The following CEP131 variants were observed in gnomAD, a reference collection of about 807,000 sequenced individuals.
CEP131 encodes centrosomal protein of 131 kDa.
CEP131 carries 99 observed loss-of-function variants against 136.8 expected under a neutral mutation model. The observed-to-expected ratio is 0.72, with a 90% confidence interval of 0.62 to 0.86. The LOEUF (loss-of-function observed/expected upper bound fraction) is 0.86. CEP131 is among the 40% of genes least tolerant of loss of function. The pLI, the probability that CEP131 is intolerant of heterozygous loss-of-function variation, is 0.00. For missense variants in CEP131, 1,459 were observed against 1,463.0 expected, an observed-to-expected ratio of 1.00 and a Z score of 0.04; for synonymous variants, 646 against 612.7, an observed-to-expected ratio of 1.05 and a Z score of -0.80.
chr17:81,206,649 C>G, intron 5 of CEP131, 95 bp downstream of exon 5: 1 of 1,470,904 alleles, frequency 6.8e-7, no homozygotes, highest in South Asian at 1.4e-5. Flanking sequence ...TTCCAAAGCA[C>G]CCTGAACGAG....
chr17:81,198,219 GCCCCCT>G lies in CEP131; in HGVS notation c.1360_1365del (p.Arg454_Gly455del). ...AGTGTGTGCAGCAGCTCCTCCAGTG[GCCCCCT>G]GGACTTGGCGCTCCCCCTGCTCGGG... On this transcript the variant is annotated inframe_deletion, in exon 12 of 26. Transcript: ENST00000450824. 1 of 1,598,828 alleles carries G rather than the reference GCCCCCT, an allele frequency of 6.3e-7. No homozygotes were observed. The highest frequency in any genetic ancestry group is 8.5e-7 in the Non-Finnish European group (1 of 1,172,888).
chr17:81,199,522 C>T lies in CEP131; in HGVS notation c.1051G>A (p.Ala351Thr). The T allele has an allele frequency of 6.2e-7, 1 of 1,607,736 alleles. No individual in the cohort carries two copies. The highest frequency in any genetic ancestry group is 8.5e-7 in the Non-Finnish European group (1 of 1,177,562). ...CGCTCGGCAGTGCTCGCCTTCTGGG[C>T]TCTCAGGGCTCGTTTCTGTTGCAGC... is the stretch of plus-strand genomic sequence containing the variant. ...QELQQKRALR[A>T]QKASTAERGP... The change falls in exon 10 of 26, where the codon GCC becomes ACC. Residue 351 changes from alanine (A) to threonine (T), a missense_variant. Coordinates refer to ENST00000450824, the MANE Select transcript of CEP131 (RefSeq NM_014984.4).
intron 7 of CEP131, among the ~76,000 whole-genome samples, chr17:81,201,698 A>T (rs950527658): frequency 1.3e-5 from 2 of 152,142 alleles, no homozygotes; most frequent in African/African-American, 4.8e-5. Flanking sequence ...CCCCTGGAGG[A>T]GCCCTCTCTG....
At chr17:81,194,632 G>C (rs556396311) in intron 17 of CEP131, among the ~76,000 whole-genome samples, 1 of 152,250 alleles carries the variant, frequency 6.6e-6, no homozygotes, top group South Asian at 2.1e-4. Flanking sequence ...CCTCGTTTCA[G>C]GCAACTGCCT....
rs781165951 is a variant in CEP131, at chr17:81,208,934, G to T, written c.266C>A (p.Ser89Tyr). The T allele has an allele frequency of 2.5e-6, 4 of 1,613,448 alleles. No individual in the cohort carries two copies. The East Asian group carries it at 8.9e-5, about 36-fold the overall frequency. ...CAAGGGCCTTAGGGGTTACCTGGGG[G>T]AGCCGCTCCGAGGCTGGCTGACCTG... ...TTQVSQPRSG[S>Y]PRPTEPTDFL... The change falls in exon 3 of 26, where the codon TCC (serine) becomes TAC (tyrosine). Residue 89 changes from serine to tyrosine, a missense_variant. Physicochemically the swap from Ser to Tyr is moderately radical, Grantham distance 144 (BLOSUM62 -2). This residue lies in a region of CEP131 where 187 missense variants were observed against 179.9 expected (regional missense o/e 1.04). Transcript: ENST00000450824. The surrounding 1 kb of genome is among the most constrained non-coding windows in gnomAD (Gnocchi z 5.6).
At chr17:81,218,001 T>TTCTCCCTCTCCC (rs528967670) in intron 2 of CEP131, among the ~76,000 whole-genome samples, 3 of 151,896 alleles carry the variant, frequency 2.0e-5, no homozygotes, top group African/African-American at 7.3e-5. Context: ...TTCTTTCTCC[T>TTCTCCCTCTCCC]TCTCCCTCTC....
In CEP131 at chr17:81,202,253, C is replaced by G; in HGVS notation, c.775G>C (p.Glu259Gln). ...AAGATCGGTCACCTCTCAGCCTCCT[C>G]CTCCGTCACCTCCTTCCGCCTGGGC... ...GLPRRKEVTE[E>Q]EAERFIHQVN... Residue 259 changes from glutamate (E) to glutamine (Q), a missense_variant, in exon 7 of 26, where the codon GAG becomes CAG. Around this residue, in one of 3 missense-constraint regions of CEP131, gnomAD observed 246 missense variants for 318.9 expected, o/e 0.77. Transcript: ENST00000450824. 6.2e-7 allele frequency: 1 copy of G among 1,603,770 alleles called. No homozygotes were observed. The highest frequency in any genetic ancestry group is 8.5e-7 in the Non-Finnish European group (1 of 1,174,568).
At chr17:81,207,053 G>A (rs2062022889) in intron 4 of CEP131, 72 bp downstream of exon 4, 2 of 1,551,804 alleles carry the variant, frequency 1.3e-6, no homozygotes, top group East Asian at 2.3e-5. Flanking sequence ...CAAAGGCAGT[G>A]AGAACAAATT....
At chr17:81,206,697 A>T (rs899011403) in intron 5 of CEP131, 47 bp downstream of exon 5, 28 of 1,570,394 alleles carry the variant, frequency 1.8e-5, no homozygotes, top group Non-Finnish European at 2.4e-5. Context: ...TCTCCACTCC[A>T]GGAGCTTCCC....
At chr17:81,191,776 C>T (rs1004166157) in intron 21 of CEP131, among the ~76,000 whole-genome samples, 6 of 152,212 alleles carry the variant, frequency 3.9e-5, no homozygotes, top group Non-Finnish European at 8.8e-5. Flanking sequence ...GAGCATGCTA[C>T]TGGGCCCAGA....
At position 81,189,739 on chromosome 17, in the gene CEP131, G is replaced by A. The variant is rs142165389; in HGVS notation, c.*30C>T. On this transcript the variant is annotated 3_prime_UTR_variant, in exon 26 of 26. Transcript: ENST00000450824. Reference sequence around the variant, plus strand: ...GTCCAGCCTCTGTCCTCTGCCTTCCGTTCTTCGACAGTGTTCCCGGCATCC... The same window carrying A: ...GTCCAGCCTCTGTCCTCTGCCTTCCATTCTTCGACAGTGTTCCCGGCATCC... The A allele has an allele frequency of 1.3e-3, 2,056 of 1,568,324 alleles. 3 individuals are homozygous for A. Among genetic ancestry groups the A allele is most frequent in the Non-Finnish European group, 1.6e-3 (1,795 of 1,153,624 alleles).
At chr17:81,194,818 G>A in intron 17 of CEP131, 52 bp downstream of exon 17, 2 of 1,447,052 alleles carry the variant, frequency 1.4e-6, no homozygotes, top group Non-Finnish European at 1.9e-6. Flanking sequence ...AAGAAGCCCT[G>A]GCCGCAGCAC....
rs763092389 is a variant in CEP131, at chr17:81,198,118, G to A, written c.1467C>T (p.Ser489=). 1.0e-4 allele frequency: 156 copies of A among 1,560,260 alleles called. 1 individual carries two copies. In the East Asian group the frequency reaches 3.3e-3, roughly 33 times the overall value. ...THHRGRYAWA[S]EEDDASSLTA... ...GGCGGGCGCACACCGTGGTCACCTCGCTGGCCCAGGCGTATCTGCCCCTGT... is the reference window on the plus strand; with the variant it reads ...GGCGGGCGCACACCGTGGTCACCTCACTGGCCCAGGCGTATCTGCCCCTGT... Residue 489 remains serine, a synonymous_variant, in exon 12 of 26, where the codon AGC becomes AGT. Coordinates refer to ENST00000450824, the MANE Select transcript of CEP131 (RefSeq NM_014984.4).
intron 21 of CEP131, 31 bp downstream of exon 21, chr17:81,192,287 C>T (rs568037087): frequency 4.0e-5 from 62 of 1,543,234 alleles, no homozygotes; most frequent in Middle Eastern, 2.3e-4. Flanking sequence ...CAGCCCCCAA[C>T]CCCTGCCCAC....
chr17:81,195,082 G>C, intron 16 of CEP131, 110 bp from the exon 17 acceptor site: 1 of 805,846 alleles, frequency 1.2e-6, no homozygotes, highest in Non-Finnish European at 2.0e-6. Context: ...CACAAGGCCG[G>C]CACTCATGGT....
intron 13 of CEP131, 24 bp downstream of exon 13, chr17:81,197,687 CG>C (rs766526367): frequency 2.5e-6 from 4 of 1,591,464 alleles, no homozygotes; most frequent in Non-Finnish European, 3.4e-6. Flanking sequence ...CACTGGGGGC[CG>C]GGTGCGGGCT....
At chr17:81,206,696 C>T (rs762657099) in intron 5 of CEP131, 48 bp downstream of exon 5, 5 of 1,569,464 alleles carry the variant, frequency 3.2e-6, no homozygotes, top group South Asian at 2.4e-5. Context: ...GTCTCCACTC[C>T]AGGAGCTTCC....
chr17:81,200,928 C>T (rs964075937), intron 7 of CEP131, among the ~76,000 whole-genome samples: 4 of 152,226 alleles, frequency 2.6e-5, no homozygotes, highest in Admixed American at 6.5e-5. Flanking sequence ...GGAAGGAGCT[C>T]GAGGGAAGCC....
rs1020195699 is a variant in CEP131 at position 81,208,167 on chromosome 17, C to T, written c.272+761G>A. 1.3e-5 allele frequency among the ~76,000 whole-genome samples: 2 copies of T among 151,174 alleles called. No individual in the cohort carries two copies. The highest frequency in any genetic ancestry group is 4.9e-5 in the African/African-American group (2 of 41,088). ...ACCAGCTGGCCTTGGCAGTCCCTTG[C>T]TTGGTGGGACTCCACGAAGCTAGTT... On this transcript the variant is annotated intron_variant, in intron 3 of 25. Transcript: ENST00000450824. The surrounding 1 kb of genome is among the most constrained non-coding windows in gnomAD (Gnocchi z 5.6).
Sources: allele counts gnomAD v4.1 joint callset (sites outside exome capture counted in the v4.1 genomes callset), GRCh38; gene constraint gnomAD v4.1.1; regional missense constraint gnomAD v4.1.1; non-coding constraint Gnocchi (gnomAD v3.1); transcripts MANE v1.5; gene names NCBI Gene and HGNC (gene_info 2026-07-23, HGNC 2026-07-21).